Variants in NKAIN3 observed in about 807,000 individuals in gnomAD.
NKAIN3 encodes sodium/potassium transporting ATPase interacting 3, also known as sodium/potassium-transporting ATPase subunit beta-1-interacting protein 3.
In NKAIN3, 25 loss-of-function variants were observed where a neutral mutation model predicts 30.2. The observed-to-expected ratio is 0.83, with a 90% CI of 0.60 to 1.16. The LOEUF is 1.16. Among genes scored for constraint, NKAIN3 ranks in the 50% most tolerant of loss-of-function variants. The pLI is 0.00. For missense variants in NKAIN3, 225 were observed against 254.1 expected (o/e 0.89, Z 0.78); for synonymous variants, 91 against 89.6 (o/e 1.02, Z -0.09).
intron 3 of NKAIN3, among the ~76,000 whole-genome samples, chr8:62,686,147 A>T (rs1279288599): frequency 6.6e-6 from 1 of 152,122 alleles, no homozygotes; most frequent in African/African-American, 2.4e-5. Context: ...CTAGCAAATC[A>T]CTGATCACAG....
chr8:62,472,199 C>A (rs574153805), intron 1 of NKAIN3, among the ~76,000 whole-genome samples: 1 of 152,206 alleles, frequency 6.6e-6, no homozygotes, highest in Admixed American at 6.5e-5. Context: ...TTGATTCAAC[C>A]CTTGAGTGGG....
intron 4 of NKAIN3, among the ~76,000 whole-genome samples, chr8:62,772,811 CT>C (rs1817063189): frequency 6.6e-6 from 1 of 151,990 alleles, no homozygotes; most frequent in Admixed American, 6.6e-5. Context: ...CAAACGCACG[CT>C]GCCACGTCCA....
At chr8:62,640,593 G>A (rs1812278011) in intron 3 of NKAIN3, among the ~76,000 whole-genome samples, 1 of 152,114 alleles carries the variant, frequency 6.6e-6, no homozygotes, top group African/African-American at 2.4e-5. Flanking sequence ...TGAATTAAAT[G>A]CCTGAGGAGA....
At chr8:62,365,527 T>A (rs983465881) in intron 1 of NKAIN3, among the ~76,000 whole-genome samples, 1 of 152,238 alleles carries the variant, frequency 6.6e-6, no homozygotes, top group Admixed American at 6.5e-5. Flanking sequence ...TATGTTGTAT[T>A]CTATATAGAG....
At chr8:62,555,308 G>A (rs914102229) in intron 1 of NKAIN3, among the ~76,000 whole-genome samples, 3 of 151,976 alleles carry the variant, frequency 2.0e-5, no homozygotes, top group Non-Finnish European at 4.4e-5. Flanking sequence ...ATTTGACATA[G>A]AATATTAAAT....
At chr8:62,815,545 G>T (rs944989930) in intron 4 of NKAIN3, among the ~76,000 whole-genome samples, 6 of 152,154 alleles carry the variant, frequency 3.9e-5, no homozygotes, top group African/African-American at 1.4e-4. Flanking sequence ...CTTCATCCCT[G>T]GGATGCAAGT....
chr8:62,295,600 A>G (rs1045104055), intron 1 of NKAIN3, among the ~76,000 whole-genome samples: 17 of 152,274 alleles, frequency 1.1e-4, no homozygotes, highest in Non-Finnish European at 1.8e-4. Flanking sequence ...AGCGGTTTCT[A>G]TTTCACAGCT....
At chr8:62,554,788 C>T (rs1809331887) in intron 1 of NKAIN3, among the ~76,000 whole-genome samples, 1 of 152,012 alleles carries the variant, frequency 6.6e-6, no homozygotes. Flanking sequence ...TCCAGACTTA[C>T]TCATCCTACA....
chr8:62,856,241 C>G, intron 4 of NKAIN3: 1 of 878,692 alleles, frequency 1.1e-6, no homozygotes, highest in Admixed American at 1.7e-5. Context: ...ATTTGTTTCC[C>G]AATAGAGCTT....
intron 1 of NKAIN3, among the ~76,000 whole-genome samples, chr8:62,364,865 A>ATTT (rs1359149369): frequency 2.8e-5 from 4 of 143,924 alleles, no homozygotes; most frequent in Non-Finnish European, 6.0e-5. Flanking sequence ...TCTATGGGAT[A>ATTT]TTTTACTTCC....
At chr8:62,937,699 G>T (rs1192851351) in intron 5 of NKAIN3, among the ~76,000 whole-genome samples, 2 of 151,992 alleles carry the variant, frequency 1.3e-5, no homozygotes, top group Admixed American at 1.3e-4. Flanking sequence ...TGTAGTGGGG[G>T]GGCAAAAGGG....
At chr8:62,339,964 A>G (rs990998151) in intron 1 of NKAIN3, among the ~76,000 whole-genome samples, 14 of 152,052 alleles carry the variant, frequency 9.2e-5, no homozygotes, top group Admixed American at 8.5e-4. Context: ...AAGGACAAGT[A>G]GGGATTTATA....
intron 1 of NKAIN3, among the ~76,000 whole-genome samples, chr8:62,502,257 C>G (rs945425248): frequency 6.6e-5 from 10 of 152,108 alleles, no homozygotes; most frequent in African/African-American, 2.4e-4. Context: ...TGTTCTATCT[C>G]TAGTCTTCCA....
chr8:62,810,482 G>A (rs1251690810), intron 4 of NKAIN3, among the ~76,000 whole-genome samples: 1 of 151,818 alleles, frequency 6.6e-6, no homozygotes, highest in Non-Finnish European at 1.5e-5. Context: ...AGACTCCATG[G>A]GCTTCAGTTT....
intron 4 of NKAIN3, among the ~76,000 whole-genome samples, chr8:62,910,220 A>G (rs1314902910): frequency 6.6e-6 from 1 of 152,186 alleles, no homozygotes; most frequent in African/African-American, 2.4e-5. Flanking sequence ...CAATATTTTT[A>G]TAATAATCCA....
At chr8:62,542,146 C>G (rs1322284080) in intron 1 of NKAIN3, among the ~76,000 whole-genome samples, 1 of 152,168 alleles carries the variant, frequency 6.6e-6, no homozygotes, top group Non-Finnish European at 1.5e-5. Context: ...GGAACCACAT[C>G]TGGGAAGAGA....
At chr8:62,569,338 C>T (rs1809853270) in intron 1 of NKAIN3, among the ~76,000 whole-genome samples, 1 of 152,070 alleles carries the variant, frequency 6.6e-6, no homozygotes, top group African/African-American at 2.4e-5. Context: ...CTGTACTTGG[C>T]CTAACGCATG....
At chr8:62,672,642 A>T (rs2130391096) in intron 3 of NKAIN3, among the ~76,000 whole-genome samples, 1 of 152,338 alleles carries the variant, frequency 6.6e-6, no homozygotes. Context: ...GATCAGGCAC[A>T]GGCTTAGACA....
chr8:62,559,196 T>C (rs1346138425), intron 1 of NKAIN3, among the ~76,000 whole-genome samples: 1 of 152,026 alleles, frequency 6.6e-6, no homozygotes, highest in Non-Finnish European at 1.5e-5. Context: ...ATTGGTAATT[T>C]TCTTTGTGCT....
Sources: gnomAD v4.1 joint callset for allele counts (sites outside exome capture counted in the v4.1 genomes callset) on GRCh38, gnomAD v4.1.1 for gene constraint, MANE v1.5 for transcripts, NCBI Gene and HGNC (gene_info 2026-07-23, HGNC 2026-07-21) for gene names.